The following ABTB3 variants were observed in gnomAD, a reference collection of about 807,000 sequenced individuals.
The protein encoded by ABTB3 is ankyrin repeat- and BTB/POZ domain-containing protein 3.
chr12:107,488,451 A>T, the ABTB3 span, among the ~76,000 whole-genome samples: 1 of 152,114 alleles, frequency 6.6e-6, no homozygotes, highest in Non-Finnish European at 1.5e-5. Flanking sequence ...CCTCATTGGA[A>T]AGGTGTAAGG....
the ABTB3 span, among the ~76,000 whole-genome samples, chr12:107,544,716 C>T: frequency 1.3e-5 from 2 of 152,192 alleles, no homozygotes; most frequent in African/African-American, 4.8e-5. Flanking sequence ...GATCCTCTCC[C>T]CACAGTGTCT....
chr12:107,411,962 T>C, the ABTB3 span, among the ~76,000 whole-genome samples: 1 of 152,138 alleles, frequency 6.6e-6, no homozygotes, highest in African/African-American at 2.4e-5. Flanking sequence ...CATAGAACAG[T>C]GACTCATTTT....
the ABTB3 span, among the ~76,000 whole-genome samples, chr12:107,380,276 C>T: frequency 6.6e-6 from 1 of 152,184 alleles, no homozygotes; most frequent in African/African-American, 2.4e-5. Context: ...GTTTTCATTA[C>T]TCTCCTGAAT....
the ABTB3 span, among the ~76,000 whole-genome samples, chr12:107,488,496 A>C: frequency 8.5e-5 from 13 of 152,096 alleles, no homozygotes; most frequent in African/African-American, 3.1e-4. Flanking sequence ...TGTTTAACCC[A>C]ATACTTGGCT....
the ABTB3 span, chr12:107,580,906 G>C: frequency 5.2e-6 from 8 of 1,551,402 alleles, no homozygotes; most frequent in Admixed American, 2.0e-5. Context: ...CCAGGCTACA[G>C]ATGAGGAAAC....
At chr12:107,489,706 G>A in the ABTB3 span, among the ~76,000 whole-genome samples, 10 of 152,108 alleles carry the variant, frequency 6.6e-5, no homozygotes, top group Non-Finnish European at 1.3e-4. Flanking sequence ...TGTCCCCAAC[G>A]AATGGAATAG....
chr12:107,499,207 G>T, the ABTB3 span, among the ~76,000 whole-genome samples: 2 of 152,092 alleles, frequency 1.3e-5, no homozygotes, highest in Non-Finnish European at 2.9e-5. Context: ...ATGACTTACT[G>T]GTTCTAAATA....
the ABTB3 span, among the ~76,000 whole-genome samples, chr12:107,350,510 C>T: frequency 5.3e-5 from 8 of 150,904 alleles, no homozygotes; most frequent in Non-Finnish European, 7.4e-5. Flanking sequence ...CCAAGATCTG[C>T]ACTCCAGCCT....
chr12:107,449,933 T>C, the ABTB3 span, among the ~76,000 whole-genome samples: 3 of 152,180 alleles, frequency 2.0e-5, no homozygotes, highest in Non-Finnish European at 4.4e-5. Context: ...TGAGCCATTG[T>C]GCCTGGCTGA....
chr12:107,646,748 A>G, the ABTB3 span, among the ~76,000 whole-genome samples: 1 of 152,188 alleles, frequency 6.6e-6, no homozygotes, highest in South Asian at 2.1e-4. Context: ...GCCCTGGGAT[A>G]CAGCGGTGGG....
the ABTB3 span, chr12:107,658,027 G>T: frequency 1.3e-5 from 5 of 381,220 alleles, no homozygotes; most frequent in East Asian, 1.5e-4. Context: ...CCTTTTAAAG[G>T]TCACTCAGGT....
chr12:107,643,332 A>C, the ABTB3 span, among the ~76,000 whole-genome samples: 5 of 145,918 alleles, frequency 3.4e-5, no homozygotes, highest in South Asian at 1.1e-3. Context: ...TGAACCTGAG[A>C]TGTCAAGGCG....
At chr12:107,608,902 TAA>T in the ABTB3 span, among the ~76,000 whole-genome samples, 798 of 62,688 alleles carry the variant, frequency 0.013, 16 homozygotes, top group African/African-American at 0.059. Context: ...ATAAATAAAA[TAA>T]AATAAAATAA....
the ABTB3 span, among the ~76,000 whole-genome samples, chr12:107,563,586 A>C: frequency 6.6e-6 from 1 of 152,176 alleles, no homozygotes; most frequent in Non-Finnish European, 1.5e-5. Context: ...AGTTATAACA[A>C]AGGTATGATA....
the ABTB3 span, among the ~76,000 whole-genome samples, chr12:107,469,922 C>CTTTCTT: frequency 5.1e-3 from 460 of 90,170 alleles, 35 homozygotes; most frequent in East Asian, 0.016. Context: ...TTCTTTCTTT[C>CTTTCTT]TCTCTCTCTC....
the ABTB3 span, among the ~76,000 whole-genome samples, chr12:107,531,385 C>T: frequency 1.4e-4 from 22 of 152,132 alleles, no homozygotes; most frequent in Non-Finnish European, 2.6e-4. Context: ...TCACAGCGTC[C>T]GATACAGCTT....
At chr12:107,476,475 C>T in the ABTB3 span, among the ~76,000 whole-genome samples, 1 of 152,092 alleles carries the variant, frequency 6.6e-6, no homozygotes, top group African/African-American at 2.4e-5. Context: ...GTCAGACAAT[C>T]TCCAAGGGTC....
chr12:107,419,703 C>T, the ABTB3 span, among the ~76,000 whole-genome samples: 1 of 152,148 alleles, frequency 6.6e-6, no homozygotes, highest in African/African-American at 2.4e-5. Flanking sequence ...TGAGTTAATA[C>T]AGGAAGAATA....
chr12:107,441,018 G>A, the ABTB3 span, among the ~76,000 whole-genome samples: 35 of 152,308 alleles, frequency 2.3e-4, 1 homozygote, highest in Admixed American at 1.2e-3. Context: ...AGTCCTCAAC[G>A]TCAGCCGACT....
Sources: gnomAD v4.1 joint callset for allele counts (sites outside exome capture counted in the v4.1 genomes callset) on GRCh38, gnomAD v4.1.1 for gene constraint, MANE v1.5 for transcripts, NCBI Gene and HGNC (gene_info 2026-07-23, HGNC 2026-07-21) for gene names.